BCL2L14: variants seen among roughly 807,000 people sequenced by gnomAD.
BCL2L14 encodes apoptosis facilitator Bcl-2-like protein 14.
In BCL2L14, 27 loss-of-function variants were observed where a neutral mutation model predicts 35.3. The observed-to-expected ratio is 0.76, with a 90% CI of 0.56 to 1.05. The LOEUF (loss-of-function observed/expected upper bound fraction) is 1.05, where lower values mean the gene tolerates loss of function less well. BCL2L14 is among the 50% of genes least tolerant of loss of function. The pLI is 0.00. For missense variants in BCL2L14, 377 were observed against 382.6 expected (o/e 0.99, Z 0.12); for synonymous variants, 139 against 145.9 (o/e 0.95, Z 0.34).
intron 2 of BCL2L14, among the ~76,000 whole-genome samples, chr12:12,058,768 C>T (rs1238482335): frequency 6.6e-6 from 1 of 152,196 alleles, no homozygotes; most frequent in Non-Finnish European, 1.5e-5. Context: ...GGTCTCTTCA[C>T]ACCGACGCGC....
chr12:12,077,263 C>A (rs1010433467), intron 1 of BCL2L14, among the ~76,000 whole-genome samples: 1 of 152,066 alleles, frequency 6.6e-6, no homozygotes, highest in African/African-American at 2.4e-5. Flanking sequence ...AGCCTGAGGC[C>A]GGGCATGGTA....
chr12:12,095,225 G>C, intron 5 of BCL2L14: 1 of 985,350 alleles, frequency 1.0e-6, no homozygotes, highest in South Asian at 4.7e-5. Flanking sequence ...TGTTTAGATA[G>C]ACGTAATTTC....
chr12:12,066,205 T>A (rs886077459), upstream of BCL2L14, among the ~76,000 whole-genome samples: 3 of 152,266 alleles, frequency 2.0e-5, no homozygotes, highest in African/African-American at 4.8e-5. Context: ...ATGTTCTTCA[T>A]AATGAATAGT....
chr12:12,097,234 A>G (rs1472294424), intron 5 of BCL2L14, among the ~76,000 whole-genome samples: 1 of 152,238 alleles, frequency 6.6e-6, no homozygotes, highest in Non-Finnish European at 1.5e-5. Context: ...TTCATACAAA[A>G]ATTTGTACAT....
intron 2 of BCL2L14, among the ~76,000 whole-genome samples, chr12:12,056,236 T>A (rs977262106): frequency 2.0e-5 from 3 of 152,164 alleles, no homozygotes; most frequent in Admixed American, 1.3e-4. Context: ...ACTGCGATAG[T>A]CCCGGATAAA....
chr12:12,086,628 T>C (rs1405193136), intron 2 of BCL2L14, among the ~76,000 whole-genome samples: 3 of 152,382 alleles, frequency 2.0e-5, no homozygotes, highest in East Asian at 3.9e-4. Context: ...TAAGCATTCA[T>C]TGAATGTTTT....
intron 1 of BCL2L14, among the ~76,000 whole-genome samples, chr12:12,075,984 C>A (rs905658816): frequency 6.6e-6 from 1 of 151,398 alleles, no homozygotes; most frequent in Non-Finnish European, 1.5e-5. Context: ...GTTGTCTCAC[C>A]TTTAGTGAGA....
intron 2 of BCL2L14, among the ~76,000 whole-genome samples, chr12:12,083,462 T>A (rs1170264414): frequency 6.6e-6 from 1 of 152,236 alleles, no homozygotes; most frequent in Non-Finnish European, 1.5e-5. Context: ...CTTGTGAATC[T>A]TTTGTTTCTC....
At chr12:12,076,873 C>G (rs1352676508) in intron 1 of BCL2L14, among the ~76,000 whole-genome samples, 1 of 152,144 alleles carries the variant, frequency 6.6e-6, no homozygotes, top group Non-Finnish European at 1.5e-5. Flanking sequence ...AATAGCAGAA[C>G]CAGGGGGAAA....
chr12:12,087,423 C>T, intron 3 of BCL2L14, 37 bp downstream of exon 3: 8 of 1,601,318 alleles, frequency 5.0e-6, no homozygotes, highest in African/African-American at 4.0e-5. Context: ...GTTTGCCAGG[C>T]AGGGGCGCAG....
intron 1 of BCL2L14, among the ~76,000 whole-genome samples, chr12:12,076,058 A>G (rs2136740357): frequency 6.7e-6 from 1 of 150,102 alleles, no homozygotes; most frequent in African/African-American, 2.4e-5. Flanking sequence ...CCAGATGTCC[A>G]GTACAAGCAG....
At chr12:12,052,594 TACC>T (rs1948373796) in intron 2 of BCL2L14, among the ~76,000 whole-genome samples, 2 of 152,388 alleles carry the variant, frequency 1.3e-5, no homozygotes, top group South Asian at 4.1e-4. Context: ...TGTGCATATA[TACC>T]ACATTTTCTT....
intron 2 of BCL2L14, among the ~76,000 whole-genome samples, chr12:12,060,348 C>T (rs372697062): frequency 8.3e-6 from 1 of 120,888 alleles, no homozygotes; most frequent in African/African-American, 3.3e-5. Flanking sequence ...ATGGCTCGTT[C>T]GGCAGCAACC....
At chr12:12,064,730 A>G in intron 2 of BCL2L14, among the ~76,000 whole-genome samples, 1 of 152,212 alleles carries the variant, frequency 6.6e-6, no homozygotes, top group East Asian at 1.9e-4. Flanking sequence ...AAATGCAAGG[A>G]TAGAACAATG....
rs1949064649 is a variant in BCL2L14 at position 12,087,222 on chromosome 12, C to T, written c.443C>T (p.Pro148Leu). The change falls in exon 3 of 6, where the codon CCC becomes CTC. Residue 148 changes from proline (P) to leucine (L), a missense_variant. Transcript: ENST00000308721. Reference protein sequence around the residue: ...EQCLEHEAVDPKVISIANRVA... With the variant: ...EQCLEHEAVDLKVISIANRVA... ...TTTTGTCTTGTTTCAGCTGTGGACCCCAAAGTCATTTCCATTGCCAACCGA... is the reference window on the plus strand; with the variant it reads ...TTTTGTCTTGTTTCAGCTGTGGACCTCAAAGTCATTTCCATTGCCAACCGA... The T allele has an allele frequency of 2.5e-6, 4 of 1,614,032 alleles. No homozygotes were observed. Among genetic ancestry groups the T allele is most frequent in the Middle Eastern group, 3.3e-4 (2 of 6,084 alleles).
upstream of BCL2L14, among the ~76,000 whole-genome samples, chr12:12,066,878 T>A (rs1260056811): frequency 6.6e-6 from 1 of 151,832 alleles, no homozygotes; most frequent in Non-Finnish European, 1.5e-5. Flanking sequence ...GTCTAGCTAA[T>A]TTTTTGTATT....
chr12:12,093,048 T>C (rs1044258096), intron 4 of BCL2L14, among the ~76,000 whole-genome samples: 8 of 152,198 alleles, frequency 5.3e-5, no homozygotes, highest in African/African-American at 1.9e-4. Context: ...TATAGCTTTT[T>C]GATATGAGCC....
intron 4 of BCL2L14, among the ~76,000 whole-genome samples, chr12:12,094,111 A>AC (rs1315387418): frequency 2.0e-5 from 3 of 151,462 alleles, no homozygotes; most frequent in Non-Finnish European, 4.4e-5. Context: ...CTGTCTTAAA[A>AC]AAAAAAAAAA....
chr12:12,070,451 G>A (rs1251789860), upstream of BCL2L14, among the ~76,000 whole-genome samples: 11 of 152,192 alleles, frequency 7.2e-5, no homozygotes, highest in Admixed American at 5.9e-4. Context: ...TTGGGAGGCC[G>A]AGGAGGGCAG....
Sources: gnomAD v4.1 joint callset for allele counts (sites outside exome capture counted in the v4.1 genomes callset) on GRCh38, gnomAD v4.1.1 for gene constraint, MANE v1.5 for transcripts, NCBI Gene and HGNC (gene_info 2026-07-23, HGNC 2026-07-21) for gene names.